The following ALDH7A1 variants were observed in gnomAD, a reference collection of about 807,000 sequenced individuals.
ALDH7A1 encodes aldehyde dehydrogenase 7 family member A1, also known as alpha-aminoadipic semialdehyde dehydrogenase.
A neutral mutation model predicts 79.9 loss-of-function variants in ALDH7A1; 63 were observed. That is an observed-to-expected ratio of 0.79 (90% CI 0.64 to 0.97). The LOEUF (loss-of-function observed/expected upper bound fraction) is 0.97. Ranked by LOEUF, ALDH7A1 falls within the 50% of genes least tolerant of loss-of-function variation. The pLI is 0.00. For synonymous variants in ALDH7A1, 240 were observed against 231.2 expected, an observed-to-expected ratio of 1.04 and a Z score of -0.34; for missense variants, 627 against 665.2, an observed-to-expected ratio of 0.94 and a Z score of 0.63.
intron 9 of ALDH7A1, 147 bp from the exon 10 acceptor site, chr5:126,561,271 A>G (rs1750395094): frequency 3.8e-6 from 2 of 520,228 alleles, no homozygotes; most frequent in Non-Finnish European, 6.7e-6. Flanking sequence ...GCCTATCCTG[A>G]TTACACCCTA....
chr5:126,558,313 A>C (rs1425602081), intron 11 of ALDH7A1, among the ~76,000 whole-genome samples: 1 of 151,986 alleles, frequency 6.6e-6, no homozygotes, highest in Non-Finnish European at 1.5e-5. Context: ...AAGTGTAGAG[A>C]TTCAACTTCC....
At chr5:126,577,424 C>A (rs1346638573) in intron 5 of ALDH7A1, among the ~76,000 whole-genome samples, 5 of 152,116 alleles carry the variant, frequency 3.3e-5, no homozygotes, top group African/African-American at 1.2e-4. Flanking sequence ...ATTCATTATG[C>A]CTCTGATCTT....
chr5:126,577,015 A>G, intron 6 of ALDH7A1, 64 bp downstream of exon 6: 1 of 1,603,036 alleles, frequency 6.2e-7, no homozygotes, highest in East Asian at 2.2e-5. Flanking sequence ...AGGCTGAGGT[A>G]GTAGTATCTA....
chr5:126,546,352 A>G lies in ALDH7A1; in HGVS notation c.1537T>C (p.Trp513Arg), dbSNP rs1749786027. ...GTAGACCTTCTCATGTACTGTTTCCAGGCATCACTGCCAGACTCCCTGCCA... is the reference window on the plus strand; with the variant it reads ...GTAGACCTTCTCATGTACTGTTTCCGGGCATCACTGCCAGACTCCCTGCCA... ...GGGRESGSDA[W>R]KQYMRRSTCT... is the part of the protein sequence containing the mutation. The change falls in exon 17 of 18, where the codon TGG (tryptophan) becomes CGG (arginine). Residue 513 changes from tryptophan to arginine, a missense_variant. By Grantham distance (101) the Trp-to-Arg change is moderately radical. Transcript: ENST00000409134. 6.2e-7 allele frequency: 1 copy of G among 1,614,102 alleles called. No individual in the cohort carries two copies. Among genetic ancestry groups the G allele is most frequent in the Non-Finnish European group, 8.5e-7 (1 of 1,180,040 alleles).
Position 126,561,078 on chromosome 5 carries a change from C to CA in ALDH7A1, c.913+4_913+5insT. 1 of 1,613,354 alleles carries CA rather than the reference C, an allele frequency of 6.2e-7. No individual in the cohort carries two copies. The highest frequency in any genetic ancestry group is 8.5e-7 in the Non-Finnish European group (1 of 1,179,644). On this transcript the variant is annotated splice_donor_region_variant and intron_variant, in intron 10 of 17. Coordinates refer to ENST00000409134, the MANE Select transcript of ALDH7A1 (RefSeq NM_001182.5). ...AAACAAACAAAAACAAAGAGGCAGC[C>CA]TTACCAATAATGGCATTGTTTCCTC...
intron 6 of ALDH7A1, among the ~76,000 whole-genome samples, chr5:126,576,123 C>T (rs534324760): frequency 2.6e-5 from 4 of 151,902 alleles, no homozygotes; most frequent in African/African-American, 9.7e-5. Context: ...ATTAGCCGGG[C>T]GTGGTGGCAG....
At chr5:126,567,775 A>ATTTTTTTTTTT in intron 9 of ALDH7A1, 1 of 131,122 alleles carries the variant, frequency 7.6e-6, no homozygotes, top group Non-Finnish European at 1.5e-5. Context: ...CCTGGCTTGA[A>ATTTTTTTTTTT]TTTTTTTTTT....
chr5:126,541,894 C>T lies in ALDH7A1; in HGVS notation c.*3071G>A, dbSNP rs982237404. 2.0e-5 allele frequency: 3 copies of T among 151,382 alleles called. No individual in the cohort carries two copies. Among genetic ancestry groups the T allele is most frequent in the South Asian group, 4.2e-4 (2 of 4,780 alleles). 9.4% of individuals were successfully genotyped at this position (151,382 alleles called of 1,614,324 possible). On this transcript the variant is annotated 3_prime_UTR_variant, in exon 18 of 18. Transcript: ENST00000409134. ...AAAAGGGAAATTAACGTAGACAAAT[C>T]GTAACATGTACCCCAAATCCAAATG...
chr5:126,568,299 C>A lies in ALDH7A1; in HGVS notation c.831G>T (p.Gln277His). The A allele has an allele frequency of 6.2e-7, 1 of 1,614,162 alleles. No individual in the cohort carries two copies. Among genetic ancestry groups the A allele is most frequent in the Non-Finnish European group, 8.5e-7 (1 of 1,180,012 alleles). Residue 277 changes from glutamine to histidine, a missense_variant, in exon 9 of 18, where the codon CAG (glutamine) becomes CAT (histidine). Transcript: ENST00000409134. The stretch of plus-strand genomic sequence containing the variant: ...CCATCAGGCCCACCTGTTTTCCCAC[C>A]TGAGTGCTCCCAGTGAAGGACAGCA... ...VNLLSFTGST[Q>H]VGKQVGLMVQ...
chr5:126,589,045 A>G (rs1751454630), intron 3 of ALDH7A1: 1 of 152,206 alleles, frequency 6.6e-6, no homozygotes, highest in East Asian at 1.9e-4. Context: ...GTCTTAAAAA[A>G]AAAAAAGAAG....
At chr5:126,559,200 T>C in intron 11 of ALDH7A1, 40 bp downstream of exon 11, 8 of 1,558,414 alleles carry the variant, frequency 5.1e-6, no homozygotes, top group Non-Finnish European at 7.1e-6. Flanking sequence ...AAAGTAGTGT[T>C]TTAAGAGCAA....
At chr5:126,576,032 C>T (rs1750952401) in intron 6 of ALDH7A1, among the ~76,000 whole-genome samples, 1 of 151,940 alleles carries the variant, frequency 6.6e-6, no homozygotes, top group Non-Finnish European at 1.5e-5. Flanking sequence ...GGGGCCGAGA[C>T]GGGCGGATCA....
At chr5:126,594,930 A>T in intron 1 of ALDH7A1, 77 bp downstream of exon 1, 1 of 1,532,892 alleles carries the variant, frequency 6.5e-7, no homozygotes, top group Admixed American at 2.0e-5. Flanking sequence ...GCCAGCGGGG[A>T]GTCGGTAGGT....
chr5:126,552,638 C>T (rs1750040541), intron 13 of ALDH7A1, among the ~76,000 whole-genome samples: 1 of 152,150 alleles, frequency 6.6e-6, no homozygotes, highest in South Asian at 2.1e-4. Flanking sequence ...CTCAAGTGAT[C>T]CACCTGCCTC....
intron 10 of ALDH7A1, among the ~76,000 whole-genome samples, chr5:126,560,328 G>A (rs1436182769): frequency 6.6e-6 from 1 of 152,074 alleles, no homozygotes; most frequent in African/African-American, 2.4e-5. Flanking sequence ...AAAAGTAGCT[G>A]GGCATGGTGG....
At chr5:126,559,940 T>G (rs13174679) in intron 10 of ALDH7A1, among the ~76,000 whole-genome samples, 6 of 150,266 alleles carry the variant, frequency 4.0e-5, no homozygotes, top group African/African-American at 1.5e-4. Context: ...TCTCGGGGGG[T>G]TTTTTGTTTG....
chr5:126,593,308 AACACACACACACACAC>A (rs142510783), intron 2 of ALDH7A1, 27 bp downstream of exon 2: 80 of 1,546,900 alleles, frequency 5.2e-5, no homozygotes, highest in Middle Eastern at 2.2e-4. Flanking sequence ...ATTTGAATTA[AACACACACACACACAC>A]ACACACACAC....
intron 5 of ALDH7A1, chr5:126,582,209 C>CTG (rs1751200699): frequency 2.5e-6 from 1 of 398,356 alleles, no homozygotes; most frequent in South Asian, 1.3e-4. Context: ...CCATGGGGTA[C>CTG]TATGGCTTAG....
At chr5:126,571,335 G>A (rs1244371019) in intron 7 of ALDH7A1, among the ~76,000 whole-genome samples, 4 of 151,374 alleles carry the variant, frequency 2.6e-5, no homozygotes, top group Admixed American at 6.6e-5. Context: ...AAAATTAGCC[G>A]AGAGTGACGG....
Sources: allele counts gnomAD v4.1 joint callset (sites outside exome capture counted in the v4.1 genomes callset), GRCh38; gene constraint gnomAD v4.1.1; transcripts MANE v1.5; gene names NCBI Gene and HGNC (gene_info 2026-07-23, HGNC 2026-07-21).